The following RBMS3 variants were observed in gnomAD, a reference collection of about 807,000 sequenced individuals.
The protein encoded by RBMS3 is RNA-binding motif, single-stranded-interacting protein 3.
Under a neutral mutation model 66.8 loss-of-function variants are expected in RBMS3, and 27 were observed. The ratio of observed to expected loss-of-function variants is 0.40; its 90% CI spans 0.30 to 0.56. The LOEUF is 0.56. Ranked by LOEUF, RBMS3 falls within the 20% of genes least tolerant of loss-of-function variation. The pLI, the probability that RBMS3 is intolerant of heterozygous loss-of-function variation, is 0.40. For synonymous variants in RBMS3, 188 were observed against 183.0 expected, an observed-to-expected ratio of 1.03 and a Z score of -0.22; for missense variants, 513 against 549.5, an observed-to-expected ratio of 0.93 and a Z score of 0.66.
chr3:29,703,684 A>C (rs2052737749), intron 4 of RBMS3, among the ~76,000 whole-genome samples: 1 of 152,296 alleles, frequency 6.6e-6, no homozygotes, highest in South Asian at 2.1e-4. Context: ...ATTAGAATGG[A>C]TTTAGAAGAT....
chr3:29,911,145 C>G (rs924947022), intron 10 of RBMS3, among the ~76,000 whole-genome samples: 1 of 152,034 alleles, frequency 6.6e-6, no homozygotes, highest in Non-Finnish European at 1.5e-5. Context: ...GAGGAGGTAA[C>G]TCCTGAACTT....
chr3:29,835,822 A>G (rs1472762126), intron 6 of RBMS3, among the ~76,000 whole-genome samples: 1 of 151,898 alleles, frequency 6.6e-6, no homozygotes, highest in Non-Finnish European at 1.5e-5. Context: ...GAAAAGATCC[A>G]CAAAACTAAG....
chr3:29,496,967 C>T (rs2043775443), intron 3 of RBMS3, among the ~76,000 whole-genome samples: 1 of 152,036 alleles, frequency 6.6e-6, no homozygotes, highest in African/African-American at 2.4e-5. Flanking sequence ...AACCTACTTC[C>T]CTAATGCTTT....
chr3:29,581,504 A>G (rs1409794355), intron 3 of RBMS3, among the ~76,000 whole-genome samples: 1 of 152,180 alleles, frequency 6.6e-6, no homozygotes, highest in Non-Finnish European at 1.5e-5. Context: ...GACAACAGCC[A>G]CAGAGTATTG....
intron 4 of RBMS3, among the ~76,000 whole-genome samples, chr3:29,653,485 C>CTA (rs1158252233): frequency 2.0e-5 from 3 of 152,098 alleles, no homozygotes; most frequent in Non-Finnish European, 1.5e-5. Flanking sequence ...GTTTAACTGC[C>CTA]TAAGGCTAGA....
intron 6 of RBMS3, among the ~76,000 whole-genome samples, chr3:29,798,073 C>T (rs185835530): frequency 1.1e-4 from 17 of 151,718 alleles, no homozygotes; most frequent in South Asian, 2.1e-4. Flanking sequence ...TCAGAACATA[C>T]GTTTATCAAT....
intron 5 of RBMS3, among the ~76,000 whole-genome samples, chr3:29,753,896 T>C (rs1467358557): frequency 3.3e-5 from 5 of 152,208 alleles, no homozygotes; most frequent in Non-Finnish European, 7.3e-5. Flanking sequence ...TTACACTTTT[T>C]CTTTTCAGAG....
At chr3:29,728,810 A>G (rs750957584) in intron 4 of RBMS3, among the ~76,000 whole-genome samples, 1 of 152,040 alleles carries the variant, frequency 6.6e-6, no homozygotes, top group African/African-American at 2.4e-5. Context: ...TTAAGTGCCA[A>G]TGTAGAGCTG....
At chr3:29,448,111 GAA>G (rs1293895771) in intron 2 of RBMS3, among the ~76,000 whole-genome samples, 1 of 152,090 alleles carries the variant, frequency 6.6e-6, no homozygotes, top group Non-Finnish European at 1.5e-5. Context: ...TCTCAACACA[GAA>G]CAGTGGTGCA....
chr3:29,430,633 A>T (rs1259090677), intron 1 of RBMS3, among the ~76,000 whole-genome samples: 1 of 152,124 alleles, frequency 6.6e-6, no homozygotes, highest in East Asian at 1.9e-4. Context: ...CCTAGGGGGG[A>T]AAAGAATTAA....
chr3:29,424,638 A>G (rs148539899), intron 1 of RBMS3, among the ~76,000 whole-genome samples: 1 of 152,208 alleles, frequency 6.6e-6, no homozygotes, highest in African/African-American at 2.4e-5. Context: ...AGAAAAGCAA[A>G]GTTCCCATTT....
In RBMS3 at chr3:29,885,654, A is replaced by G. The variant is rs569918242; in HGVS notation, c.791+1446A>G. ...GAAATTTATACAAAGGAAAATAGAA[A>G]CAATAGTTCAAAAAATACCTGTATG... On this transcript the variant is annotated intron_variant, in intron 8 of 14. Coordinates refer to ENST00000383767, the MANE Select transcript of RBMS3 (RefSeq NM_001003793.3). Among the ~76,000 whole-genome samples, 8 of 152,040 alleles carry G rather than the reference A, an allele frequency of 5.3e-5. No homozygotes were observed. The South Asian group carries it at 1.7e-3, about 31-fold the overall frequency.
intron 3 of RBMS3, among the ~76,000 whole-genome samples, chr3:29,546,836 C>T (rs929358415): frequency 1.3e-5 from 2 of 152,146 alleles, no homozygotes; most frequent in Non-Finnish European, 2.9e-5. Context: ...CTGAATCAGA[C>T]ATAGTTGATG....
intron 6 of RBMS3, among the ~76,000 whole-genome samples, chr3:29,840,031 G>T (rs2058623181): frequency 6.6e-6 from 1 of 151,902 alleles, no homozygotes; most frequent in Non-Finnish European, 1.5e-5. Flanking sequence ...TTGTCTGAGG[G>T]TTTTTTCCTT....
At chr3:29,830,776 A>G (rs1490913289) in intron 6 of RBMS3, among the ~76,000 whole-genome samples, 1 of 152,148 alleles carries the variant, frequency 6.6e-6, no homozygotes, top group African/African-American at 2.4e-5. Flanking sequence ...ACAAATTGCA[A>G]TTCAGATCCT....
At chr3:29,311,233 C>T (rs1575519409) in intron 1 of RBMS3, among the ~76,000 whole-genome samples, 2 of 151,684 alleles carry the variant, frequency 1.3e-5, no homozygotes, top group Non-Finnish European at 2.9e-5. Context: ...TTATTATCTC[C>T]GGAGAGCTCT....
chr3:29,954,309 C>G (rs1695880905), intron 12 of RBMS3, among the ~76,000 whole-genome samples: 1 of 151,854 alleles, frequency 6.6e-6, no homozygotes, highest in South Asian at 2.1e-4. Context: ...CTAGATATCC[C>G]CTATCCACTC....
chr3:29,844,090 A>G (rs1368225310), intron 6 of RBMS3, among the ~76,000 whole-genome samples: 2 of 152,120 alleles, frequency 1.3e-5, no homozygotes, highest in Admixed American at 1.3e-4. Context: ...GTTTTACATT[A>G]TTTGCTTTTG....
intron 11 of RBMS3, among the ~76,000 whole-genome samples, 190 bp from the exon 12 acceptor site, chr3:29,944,017 A>G (rs765333772): frequency 6.6e-6 from 1 of 151,716 alleles, no homozygotes; most frequent in Non-Finnish European, 1.5e-5. Flanking sequence ...AATAACATGT[A>G]CAGTATTGTG....
Sources: gnomAD v4.1 joint callset for allele counts (sites outside exome capture counted in the v4.1 genomes callset) on GRCh38, gnomAD v4.1.1 for gene constraint, MANE v1.5 for transcripts, NCBI Gene and HGNC (gene_info 2026-07-23, HGNC 2026-07-21) for gene names.